RHBDL3: variants seen among roughly 807,000 people sequenced by gnomAD.
The protein encoded by RHBDL3 is rhomboid like 3.
A neutral mutation model predicts 48.2 loss-of-function variants in RHBDL3; 28 were observed. The observed-to-expected ratio is 0.58, with a 90% CI of 0.43 to 0.80. The LOEUF (loss-of-function observed/expected upper bound fraction) is 0.80, where lower values mean the gene tolerates loss of function less well. Ranked by LOEUF, RHBDL3 falls within the 30% of genes least tolerant of loss-of-function variation. The pLI is 0.00. For synonymous variants in RHBDL3, 208 were observed against 232.3 expected (o/e 0.90, Z 0.95); for missense variants, 464 against 542.7 (o/e 0.85, Z 1.44).
At chr17:32,313,991 C>G (rs1290982668) in intron 7 of RHBDL3, among the ~76,000 whole-genome samples, 2 of 152,110 alleles carry the variant, frequency 1.3e-5, no homozygotes, top group African/African-American at 4.8e-5. Context: ...TCTCCTTTGA[C>G]TTTCTGATCT....
In RHBDL3 at chr17:32,324,222, A is replaced by G. The variant is rs961633696; in HGVS notation, c.*2993A>G. The stretch of plus-strand genomic sequence containing the variant: ...AAAGGAGAAATTTCGCTTTAATGAC[A>G]CCATTCATCATTCGTTTTTTAATTA... On this transcript the variant is annotated 3_prime_UTR_variant, in exon 9 of 9. Transcript: ENST00000269051. The G allele has an allele frequency of 2.0e-5, 3 of 152,700 alleles. No individual in the cohort carries two copies. In the Middle Eastern group the frequency reaches 0.01, roughly 519 times the overall value. The allele number at this position is 152,700 out of a possible 1,614,324, so 9.5% of individuals were successfully genotyped here. A position where few individuals can be genotyped will look rare whatever the true frequency, so the allele number is the denominator to read the frequency against.
At chr17:32,279,686 C>A (rs1262335439) in intron 2 of RHBDL3, among the ~76,000 whole-genome samples, 1 of 152,218 alleles carries the variant, frequency 6.6e-6, no homozygotes, top group Admixed American at 6.5e-5. Context: ...TTCTACCCCC[C>A]GTTTCCGTAT....
In RHBDL3 at chr17:32,298,149, G is replaced by C. The variant is rs1451669878; in HGVS notation, c.726G>C (p.Glu242Asp). The C allele has an allele frequency of 6.2e-7, 1 of 1,614,144 alleles. No individual in the cohort carries two copies. Among genetic ancestry groups the C allele is most frequent in the Admixed American group, 1.7e-5 (1 of 60,024 alleles). Residue 242 changes from glutamate to aspartate, a missense_variant, in exon 6 of 9, where the codon GAG (glutamate) becomes GAC (aspartate). By Grantham distance (45) the Glu-to-Asp change is conservative. Coordinates refer to ENST00000269051, the MANE Select transcript of RHBDL3 (RefSeq NM_138328.3). ...VLQLLVGVPL[E>D]MVHGATRIGL... is the part of the protein sequence containing the mutation. ...AGCTGCTGGTGGGGGTGCCCCTGGAGATGGTGCATGGAGCCACCCGAATTG... is the reference window on the plus strand; with the variant it reads ...AGCTGCTGGTGGGGGTGCCCCTGGACATGGTGCATGGAGCCACCCGAATTG...
intron 8 of RHBDL3, among the ~76,000 whole-genome samples, chr17:32,319,088 T>C (rs2041043574): frequency 6.6e-6 from 1 of 151,598 alleles, no homozygotes; most frequent in Admixed American, 6.6e-5. Flanking sequence ...TTGTTCGTTT[T>C]TGAGGAAGGA....
rs564082938 is a variant in RHBDL3, at chr17:32,287,653, G to A, written c.295-1139G>A. ...TGACAGGGCCTACAACCCCTGTGCC[G>A]TGGTCTGGCCTGGTTTACCTCACCA... On this transcript the variant is annotated intron_variant, in intron 3 of 8. Coordinates refer to ENST00000269051, the MANE Select transcript of RHBDL3 (RefSeq NM_138328.3). Among the ~76,000 whole-genome samples, 9 of 152,256 alleles carry A rather than the reference G, an allele frequency of 5.9e-5. No homozygotes were observed. The East Asian group carries it at 1.6e-3, about 26-fold the overall frequency.
At chr17:32,315,579 C>A (rs910578320) in intron 7 of RHBDL3, among the ~76,000 whole-genome samples, 1 of 152,056 alleles carries the variant, frequency 6.6e-6, no homozygotes, top group Non-Finnish European at 1.5e-5. Context: ...TGTGAAACCC[C>A]CGATGGTTGG....
At chr17:32,278,680 G>A (rs985439620) in intron 2 of RHBDL3, among the ~76,000 whole-genome samples, 5 of 152,140 alleles carry the variant, frequency 3.3e-5, no homozygotes, top group Admixed American at 2.0e-4. Flanking sequence ...ATTCACACTT[G>A]GGCAACCCAG....
intron 2 of RHBDL3, among the ~76,000 whole-genome samples, chr17:32,276,050 G>A (rs948561241): frequency 6.6e-6 from 1 of 152,180 alleles, no homozygotes; most frequent in African/African-American, 2.4e-5. Context: ...CAGGGGGCAT[G>A]TCTCTGAGTA....
At chr17:32,272,327 T>C (rs1022118170) in intron 2 of RHBDL3, among the ~76,000 whole-genome samples, 1 of 152,220 alleles carries the variant, frequency 6.6e-6, no homozygotes, top group African/African-American at 2.4e-5. Flanking sequence ...CCTGGGGCTC[T>C]TCCCTTGGCC....
intron 5 of RHBDL3, among the ~76,000 whole-genome samples, chr17:32,294,861 G>T (rs2040413356): frequency 6.6e-6 from 1 of 152,174 alleles, no homozygotes; most frequent in African/African-American, 2.4e-5. Flanking sequence ...CATATATAGA[G>T]AGGGTCTTCT....
chr17:32,289,014 G>A lies in RHBDL3; in HGVS notation c.517G>A (p.Glu173Lys), dbSNP rs750402314. Residue 173 changes from glutamate to lysine, a missense_variant and splice_region_variant, in exon 4 of 9, where the codon GAG (glutamate) becomes AAG (lysine). Glu to Lys is a moderately conservative substitution (Grantham distance 56, BLOSUM62 1). Transcript: ENST00000269051. ...PWFMITVTLL[E>K]VAFFLYNGVS... ...GTTCATGATCACAGTCACGCTGCTG[G>A]AGGCAAGGACAAGGGTGGGGAGGGG... 3.1e-6 allele frequency: 5 copies of A among 1,613,952 alleles called. No individual in the cohort carries two copies. In the South Asian group the frequency reaches 5.5e-5, roughly 18 times the overall value.
chr17:32,280,211 C>A (rs548569113), intron 2 of RHBDL3, among the ~76,000 whole-genome samples: 1 of 152,280 alleles, frequency 6.6e-6, no homozygotes, highest in South Asian at 2.1e-4. Context: ...TGGGCCCCTA[C>A]GGCCCATTCA....
chr17:32,277,551 C>G (rs1462574079), intron 2 of RHBDL3, among the ~76,000 whole-genome samples: 2 of 152,240 alleles, frequency 1.3e-5, no homozygotes. Context: ...ACGGACTCCT[C>G]AGCCTCTTCT....
At chr17:32,279,275 T>C (rs897367268) in intron 2 of RHBDL3, among the ~76,000 whole-genome samples, 2 of 152,128 alleles carry the variant, frequency 1.3e-5, no homozygotes, top group Non-Finnish European at 2.9e-5. Context: ...TCAGCCCTTA[T>C]CGTGTTGCTG....
intron 4 of RHBDL3, among the ~76,000 whole-genome samples, chr17:32,290,861 CATGGTGG>C (rs1484679030): frequency 6.6e-6 from 1 of 151,942 alleles, no homozygotes; most frequent in Non-Finnish European, 1.5e-5. Context: ...ATTAGCCAGG[CATGGTGG>C]TACATGCCTG....
At position 32,324,416 on chromosome 17, in the gene RHBDL3, A is replaced by C. The variant is rs1567798394; in HGVS notation, c.*3187A>C. 6.6e-6 allele frequency: 1 copy of C among 152,606 alleles called. No individual in the cohort carries two copies. The highest frequency in any genetic ancestry group is 1.5e-5 in the Non-Finnish European group (1 of 68,042). 9.5% of individuals were successfully genotyped at this position (152,606 alleles called of 1,614,324 possible). A position where few individuals can be genotyped will look rare whatever the true frequency, so the allele number is the denominator to read the frequency against. ...TAATGCAGATTCCCTGGGTGCCGTG[A>C]AAGCCTTTCCTGGCATCATTCATGT... On this transcript the variant is annotated 3_prime_UTR_variant, in exon 9 of 9. Coordinates refer to ENST00000269051, the MANE Select transcript of RHBDL3 (RefSeq NM_138328.3).
intron 6 of RHBDL3, among the ~76,000 whole-genome samples, chr17:32,302,164 G>T (rs572961440): frequency 1.6e-4 from 25 of 152,278 alleles, no homozygotes; most frequent in African/African-American, 6.0e-4. Flanking sequence ...ATTCATACTG[G>T]TCTTATCTGC....
At chr17:32,317,734 G>A (rs989232139) in intron 8 of RHBDL3, among the ~76,000 whole-genome samples, 5 of 152,198 alleles carry the variant, frequency 3.3e-5, no homozygotes, top group Non-Finnish European at 4.4e-5. Flanking sequence ...TTCACTTTGC[G>A]TTCCCTGGGA....
At chr17:32,311,087 C>T (rs1315361323) in intron 7 of RHBDL3, among the ~76,000 whole-genome samples, 2 of 152,196 alleles carry the variant, frequency 1.3e-5, no homozygotes, top group Non-Finnish European at 2.9e-5. Context: ...GGCTTTCAGC[C>T]TCTGCACTCT....
Sources: allele counts gnomAD v4.1 joint callset (sites outside exome capture counted in the v4.1 genomes callset), GRCh38; gene constraint gnomAD v4.1.1; transcripts MANE v1.5; gene names NCBI Gene and HGNC (gene_info 2026-07-23, HGNC 2026-07-21).